The following PCSK6 variants were observed in gnomAD, a reference collection of about 807,000 sequenced individuals.
The protein encoded by PCSK6 is paired basic amino acid cleaving enzyme 4.
PCSK6 carries 85 observed loss-of-function variants against 123.3 expected under a neutral mutation model. The ratio of observed to expected loss-of-function variants is 0.69; its 90% confidence interval spans 0.58 to 0.83. The LOEUF (loss-of-function observed/expected upper bound fraction) is 0.83, where lower values mean the gene tolerates loss of function less well. Among genes scored for constraint, PCSK6 ranks in the 40% least tolerant of loss-of-function variants. The probability of loss-of-function intolerance (pLI) is 0.00; values close to 1 mark genes in which losing one functional copy is unlikely to be tolerated. For synonymous variants in PCSK6, 508 were observed against 516.0 expected (o/e 0.98, Z 0.21); for missense variants, 1,191 against 1,282.3 (o/e 0.93, Z 1.09).
intron 15 of PCSK6, among the ~76,000 whole-genome samples, chr15:101,327,059 GC>G (rs1172917183): frequency 6.6e-6 from 1 of 152,198 alleles, no homozygotes; most frequent in Non-Finnish European, 1.5e-5. Context: ...CTAGGGTGGG[GC>G]AGGGACACAG....
At chr15:101,349,149 C>A (rs2040825982) in intron 13 of PCSK6, among the ~76,000 whole-genome samples, 1 of 152,156 alleles carries the variant, frequency 6.6e-6, no homozygotes, top group Non-Finnish European at 1.5e-5. Context: ...CAAAGAAAGC[C>A]AAGCCCTGTG....
intron 11 of PCSK6, among the ~76,000 whole-genome samples, chr15:101,378,058 A>G (rs1401710501): frequency 1.3e-5 from 2 of 152,256 alleles, no homozygotes; most frequent in Non-Finnish European, 2.9e-5. Flanking sequence ...AGCACTGGCT[A>G]GAAAAATCAA....
intron 2 of PCSK6, among the ~76,000 whole-genome samples, chr15:101,433,482 G>A (rs1333650000): frequency 6.6e-6 from 1 of 152,236 alleles, no homozygotes; most frequent in Non-Finnish European, 1.5e-5. Flanking sequence ...ACATGGGTGG[G>A]ATAAGGATGG....
intron 5 of PCSK6, among the ~76,000 whole-genome samples, chr15:101,428,398 C>T (rs2056332418): frequency 6.6e-6 from 1 of 152,188 alleles, no homozygotes; most frequent in South Asian, 2.1e-4. Context: ...CACCTGCTGC[C>T]TGGCAGGATG....
chr15:101,397,872 AG>A (rs545722040), intron 7 of PCSK6, among the ~76,000 whole-genome samples: 48 of 152,336 alleles, frequency 3.2e-4, no homozygotes, highest in Admixed American at 1.1e-3. Context: ...TGCCCTGCTT[AG>A]CCCCTTGTGA....
intron 1 of PCSK6, among the ~76,000 whole-genome samples, chr15:101,472,585 G>A (rs879938420): frequency 9.9e-5 from 15 of 152,214 alleles, no homozygotes; most frequent in African/African-American, 2.9e-4. Context: ...CAATGGTGGC[G>A]CCTGGTCACT....
At chr15:101,415,856 C>T (rs979216894) in intron 6 of PCSK6, among the ~76,000 whole-genome samples, 13 of 152,248 alleles carry the variant, frequency 8.5e-5, no homozygotes, top group Admixed American at 8.5e-4. Context: ...TAAGAAGTGG[C>T]TTTCGCCTCC....
chr15:101,489,352 G>A, intron 1 of PCSK6, 22 bp downstream of exon 1: 1 of 1,138,444 alleles, frequency 8.8e-7, no homozygotes, highest in Non-Finnish European at 1.1e-6. Flanking sequence ...AGTTTTGGGC[G>A]CGCGGGGCCG....
intron 6 of PCSK6, among the ~76,000 whole-genome samples, chr15:101,415,083 G>C (rs2055840185): frequency 6.6e-6 from 1 of 152,232 alleles, no homozygotes; most frequent in Non-Finnish European, 1.5e-5. Flanking sequence ...ATTATACCTT[G>C]TAATGTACCT....
chr15:101,431,540 C>G, intron 3 of PCSK6, 77 bp from the exon 4 acceptor site: 3 of 1,575,252 alleles, frequency 1.9e-6, no homozygotes, highest in Non-Finnish European at 2.6e-6. Context: ...GCACACCCCA[C>G]AGGGAGGCGC....
chr15:101,404,736 G>A (rs997698001), intron 6 of PCSK6, among the ~76,000 whole-genome samples: 1 of 152,214 alleles, frequency 6.6e-6, no homozygotes, highest in Non-Finnish European at 1.5e-5. Context: ...CCCCGGAACT[G>A]CTGGATAAAT....
intron 6 of PCSK6, among the ~76,000 whole-genome samples, chr15:101,400,277 C>A (rs2042549148): frequency 6.6e-6 from 1 of 152,180 alleles, no homozygotes; most frequent in Admixed American, 6.5e-5. Context: ...TTATACAGGG[C>A]ATTTCCCTGT....
intron 2 of PCSK6, among the ~76,000 whole-genome samples, chr15:101,436,234 CTT>C: frequency 1.3e-5 from 2 of 152,250 alleles, no homozygotes; most frequent in Middle Eastern, 6.8e-3. Flanking sequence ...GGGCTTCAGT[CTT>C]TGCTCTGAGA....
chr15:101,367,416 T>C (rs1456940760), intron 12 of PCSK6, among the ~76,000 whole-genome samples: 2 of 152,266 alleles, frequency 1.3e-5, no homozygotes, highest in African/African-American at 4.8e-5. Context: ...TAAGATTCAA[T>C]TTCCAATCTG....
chr15:101,364,543 AC>A (rs1165837577), intron 13 of PCSK6, among the ~76,000 whole-genome samples: 1 of 152,222 alleles, frequency 6.6e-6, no homozygotes, highest in Non-Finnish European at 1.5e-5. Context: ...AATTAAGAAA[AC>A]CATTCCATTT....
intron 9 of PCSK6, among the ~76,000 whole-genome samples, chr15:101,388,662 G>C (rs2042139892): frequency 6.6e-6 from 1 of 152,098 alleles, no homozygotes; most frequent in South Asian, 2.1e-4. Context: ...CAAAGGGCAG[G>C]AGACTTGGGC....
intron 6 of PCSK6, among the ~76,000 whole-genome samples, chr15:101,427,502 C>T (rs912561957): frequency 5.9e-5 from 9 of 152,160 alleles, no homozygotes; most frequent in Non-Finnish European, 1.3e-4. Context: ...GGAGTCAGAA[C>T]CCAGGGAAAG....
At chr15:101,412,712 T>TATATATATATATATATATATATATATAA (rs376981204) in intron 6 of PCSK6, among the ~76,000 whole-genome samples, 16 of 136,356 alleles carry the variant, frequency 1.2e-4, no homozygotes, top group Admixed American at 2.1e-4. Flanking sequence ...TATATATATA[T>TATATATATATATATATATATATATATAA]AAAATTACCC....
At chr15:101,394,376 C>T (rs1394060021) in intron 7 of PCSK6, among the ~76,000 whole-genome samples, 3 of 152,152 alleles carry the variant, frequency 2.0e-5, no homozygotes, top group Non-Finnish European at 4.4e-5. Flanking sequence ...TATCCCATAC[C>T]CACAGGATGG....
Sources: gnomAD v4.1 joint callset for allele counts (sites outside exome capture counted in the v4.1 genomes callset) on GRCh38, gnomAD v4.1.1 for gene constraint, MANE v1.5 for transcripts, NCBI Gene and HGNC (gene_info 2026-07-23, HGNC 2026-07-21) for gene names.